The following FGF1 variants were observed in gnomAD, a reference collection of about 807,000 sequenced individuals.
The protein encoded by FGF1 is fibroblast growth factor 1.
Under a neutral mutation model 13.4 loss-of-function variants are expected in FGF1, and 9 were observed. The ratio of observed to expected loss-of-function variants is 0.67; its 90% CI spans 0.40 to 1.17. FGF1 has a LOEUF of 1.17. FGF1 is among the 50% of genes most tolerant of loss of function. FGF1 has a pLI of 0.01. For missense variants in FGF1, 156 were observed against 192.7 expected, an observed-to-expected ratio of 0.81 and a Z score of 1.13; for synonymous variants, 93 against 79.0, an observed-to-expected ratio of 1.18 and a Z score of -0.94.
chr5:142,600,863 C>A, intron 2 of FGF1, 58 bp from the exon 3 acceptor site: 5 of 1,306,330 alleles, frequency 3.8e-6, no homozygotes, highest in Non-Finnish European at 5.5e-6. Context: ...GCCGATAGGA[C>A]CCGGCAGCCA....
At chr5:142,688,972 A>G (rs189449776), upstream of FGF1, among the ~76,000 whole-genome samples, 435 of 152,292 alleles carry the variant, frequency 2.9e-3, 7 homozygotes, top group Admixed American at 0.025. Context: ...CAGACATATA[A>G]CTATCACATT....
At chr5:142,651,782 A>G (rs1767294124) in intron 1 of FGF1, among the ~76,000 whole-genome samples, 1 of 151,386 alleles carries the variant, frequency 6.6e-6, no homozygotes, top group South Asian at 2.1e-4. Flanking sequence ...TCATTTAGTA[A>G]TATGCCTTTA....
At chr5:142,671,051 T>C (rs1771369503) in intron 1 of FGF1, among the ~76,000 whole-genome samples, 1 of 152,206 alleles carries the variant, frequency 6.6e-6, no homozygotes, top group South Asian at 2.1e-4. Flanking sequence ...AAAAAGTTTC[T>C]CAACATGCAA....
At chr5:142,673,192 G>C (rs1771835670) in intron 1 of FGF1, among the ~76,000 whole-genome samples, 1 of 152,174 alleles carries the variant, frequency 6.6e-6, no homozygotes, top group African/African-American at 2.4e-5. Flanking sequence ...AGTCACCTTT[G>C]AGTTTTGCAG....
chr5:142,642,623 C>T (rs545939563), intron 1 of FGF1, among the ~76,000 whole-genome samples: 2 of 152,348 alleles, frequency 1.3e-5, no homozygotes, highest in South Asian at 4.1e-4. Context: ...TGAACAACAG[C>T]AGCCACCAAA....
chr5:142,613,501 T>C (rs767142590), intron 2 of FGF1, among the ~76,000 whole-genome samples: 7 of 152,216 alleles, frequency 4.6e-5, no homozygotes, highest in Non-Finnish European at 1.0e-4. Flanking sequence ...TGAACTGGGA[T>C]TTCACAAATC....
intron 1 of FGF1, among the ~76,000 whole-genome samples, chr5:142,627,649 G>A (rs552062629): frequency 8.5e-5 from 13 of 152,310 alleles, no homozygotes; most frequent in South Asian, 6.2e-4. Context: ...CAAGCACCAC[G>A]CAGGAAGCAG....
chr5:142,695,182 G>A (rs545478527), intron 2 of FGF1, among the ~76,000 whole-genome samples: 60 of 152,282 alleles, frequency 3.9e-4, no homozygotes, highest in African/African-American at 1.4e-3. Flanking sequence ...TACTTGCCTC[G>A]TAGGGTCATT....
At position 142,665,939 on chromosome 5, in the gene FGF1, G is replaced by C. The variant is rs556339239; in HGVS notation, c.-35+20018C>G. On this transcript the variant is annotated intron_variant, in intron 1 of 3. Transcript: ENST00000337706. Reference sequence around the variant, plus strand: ...AGATGGAGCTAATGACTTCCCCCTAGGTTGGCTCTCTGGCAAACCCTTCTT... The same window carrying C: ...AGATGGAGCTAATGACTTCCCCCTACGTTGGCTCTCTGGCAAACCCTTCTT... Among the ~76,000 whole-genome samples the C allele has an allele frequency of 7.2e-5, 11 of 152,178 alleles. No homozygotes were observed. In the South Asian group the frequency reaches 2.1e-3, roughly 29 times the overall value.
intron 1 of FGF1, among the ~76,000 whole-genome samples, chr5:142,649,610 T>C (rs536848999): frequency 4.6e-5 from 7 of 152,032 alleles, no homozygotes; most frequent in Non-Finnish European, 1.0e-4. Context: ...GGTTTCTCCA[T>C]GTTAGCCAGG....
chr5:142,616,468 A>G (rs576475737), intron 1 of FGF1, among the ~76,000 whole-genome samples: 1 of 152,366 alleles, frequency 6.6e-6, no homozygotes, highest in Non-Finnish European at 1.5e-5. Context: ...AACAGACAGA[A>G]AATAAATATA....
chr5:142,674,660 C>T (rs1772161327), intron 1 of FGF1, among the ~76,000 whole-genome samples: 1 of 152,112 alleles, frequency 6.6e-6, no homozygotes, highest in African/African-American at 2.4e-5. Flanking sequence ...GACTTTGGGG[C>T]TGCAATAGTC....
intron 2 of FGF1, among the ~76,000 whole-genome samples, chr5:142,693,595 T>C (rs1355245747): frequency 6.6e-6 from 1 of 152,248 alleles, no homozygotes; most frequent in Non-Finnish European, 1.5e-5. Context: ...GGTTTTGGTA[T>C]ATTTACAAAG....
chr5:142,609,064 A>G (rs1029389300), intron 2 of FGF1, among the ~76,000 whole-genome samples: 1 of 152,044 alleles, frequency 6.6e-6, no homozygotes, highest in Non-Finnish European at 1.5e-5. Context: ...CTTAACTGCT[A>G]GGTGCTGAGT....
chr5:142,690,807 C>A (rs1752083603), upstream of FGF1, among the ~76,000 whole-genome samples: 1 of 152,236 alleles, frequency 6.6e-6, no homozygotes, highest in Non-Finnish European at 1.5e-5. Context: ...AGCTCACTAC[C>A]ACCACCTGCC....
intron 1 of FGF1, among the ~76,000 whole-genome samples, chr5:142,666,106 T>C (rs1770250937): frequency 0.011 from 1 of 88 alleles, no homozygotes; most frequent in Admixed American, 0.12. Flanking sequence ...TACTCTAGTA[T>C]GGCACTTGCT....
intron 1 of FGF1, among the ~76,000 whole-genome samples, chr5:142,632,949 C>T (rs1349612830): frequency 2.8e-5 from 4 of 143,328 alleles, no homozygotes; most frequent in Non-Finnish European, 6.0e-5. Context: ...TAGACGGAGT[C>T]TTGCTGTGTC....
chr5:142,648,038 T>G (rs1766498476), intron 1 of FGF1, among the ~76,000 whole-genome samples: 1 of 152,172 alleles, frequency 6.6e-6, no homozygotes. Flanking sequence ...TGAGCCTAGA[T>G]CGTGCCACTG....
At chr5:142,629,373 C>T (rs997069535) in intron 1 of FGF1, among the ~76,000 whole-genome samples, 5 of 152,038 alleles carry the variant, frequency 3.3e-5, no homozygotes, top group South Asian at 2.1e-4. Context: ...TATGTTGCCC[C>T]GGCTGGTCTT....
Sources: gnomAD v4.1 joint callset for allele counts (sites outside exome capture counted in the v4.1 genomes callset) on GRCh38, gnomAD v4.1.1 for gene constraint, MANE v1.5 for transcripts, NCBI Gene and HGNC (gene_info 2026-07-23, HGNC 2026-07-21) for gene names.